PDS5B: variants seen among roughly 807,000 people sequenced by gnomAD.
PDS5B encodes the protein PDS5 cohesin associated factor B, also known as sister chromatid cohesion protein PDS5 homolog B.
In PDS5B, 51 loss-of-function variants were observed where a neutral mutation model predicts 184.1. That is an observed-to-expected ratio of 0.28 (90% CI 0.22 to 0.35). The LOEUF is 0.35. Ranked by LOEUF, PDS5B falls within the 10% of genes least tolerant of loss-of-function variation. The pLI, the probability that PDS5B is intolerant of heterozygous loss-of-function variation, is 1.00. For missense variants in PDS5B, 1,180 were observed against 1,723.3 expected (o/e 0.68, Z 5.58); for synonymous variants, 566 against 569.2 (o/e 0.99, Z 0.08).
chr13:32,712,397 A>C (rs2140898714), intron 19 of PDS5B, among the ~76,000 whole-genome samples: 1 of 152,362 alleles, frequency 6.6e-6, no homozygotes, highest in Non-Finnish European at 1.5e-5. Context: ...AATAACTCAT[A>C]ATAATTTCTT....
chr13:32,697,619 C>T (rs927192047), intron 15 of PDS5B, among the ~76,000 whole-genome samples: 1 of 152,192 alleles, frequency 6.6e-6, no homozygotes, highest in African/African-American at 2.4e-5. Context: ...AACTTTAAGA[C>T]CAAAATGTTC....
chr13:32,701,306 A>G lies in PDS5B; in HGVS notation c.1741-17A>G. On this transcript the variant is annotated splice_polypyrimidine_tract_variant and intron_variant, in intron 16 of 34. Coordinates refer to ENST00000315596, the MANE Select transcript of PDS5B (RefSeq NM_015032.4). ...TTTAAATGTACTTTTGTAATACTGA[A>G]ATAATCTGTATTACAGCGTGAAATA... 1 of 1,276,680 alleles carries G rather than the reference A, an allele frequency of 7.8e-7. No individual in the cohort carries two copies. The highest frequency in any genetic ancestry group is 1.1e-6 in the Non-Finnish European group (1 of 883,520). The allele number at this position is 1,276,680 out of a possible 1,614,324, so 79.1% of individuals were successfully genotyped here. A position where few individuals can be genotyped will look rare whatever the true frequency, so the allele number is the denominator to read the frequency against.
intron 22 of PDS5B, among the ~76,000 whole-genome samples, chr13:32,742,203 C>A (rs1483129663): frequency 6.6e-6 from 1 of 152,132 alleles, no homozygotes; most frequent in Admixed American, 6.5e-5. Flanking sequence ...TTAAATACTT[C>A]ATAATCATAA....
Position 32,653,655 on chromosome 13 carries a change from T to C in PDS5B, c.312+1648T>C, listed in dbSNP as rs542742774. On this transcript the variant is annotated intron_variant, in intron 3 of 34. Transcript: ENST00000315596. ...TTTGTCATTTAAAGGTGGTATTGAA[T>C]TGTAAGATTTGAGAATGGTCGGAGA... 1.2e-4 allele frequency among the ~76,000 whole-genome samples: 19 copies of C among 152,302 alleles called. No homozygotes were observed. The South Asian group carries it at 3.9e-3, about 32-fold the overall frequency.
intron 25 of PDS5B, among the ~76,000 whole-genome samples, chr13:32,755,360 GT>G (rs1255218834): frequency 6.6e-6 from 1 of 151,832 alleles, no homozygotes; most frequent in African/African-American, 2.4e-5. Flanking sequence ...CCTTTATTCT[GT>G]TTTTCTGTTA....
intron 19 of PDS5B, among the ~76,000 whole-genome samples, chr13:32,714,738 C>T (rs1566361765): frequency 6.6e-6 from 1 of 152,164 alleles, no homozygotes; most frequent in Admixed American, 6.5e-5. Flanking sequence ...ATTCCCTGAA[C>T]GATTGTTGTT....
chr13:32,676,252 C>T (rs895161099), intron 9 of PDS5B, among the ~76,000 whole-genome samples: 3 of 152,034 alleles, frequency 2.0e-5, no homozygotes, highest in Non-Finnish European at 4.4e-5. Context: ...ACTGAAAATA[C>T]GTCTTTGGGA....
At chr13:32,720,617 T>G (rs1433231069) in intron 19 of PDS5B, among the ~76,000 whole-genome samples, 1 of 151,398 alleles carries the variant, frequency 6.6e-6, no homozygotes, top group Non-Finnish European at 1.5e-5. Context: ...TTATTTTTAT[T>G]TATTTATTTA....
chr13:32,618,989 A>G (rs538627734), intron 1 of PDS5B, among the ~76,000 whole-genome samples: 2 of 152,290 alleles, frequency 1.3e-5, no homozygotes, highest in East Asian at 1.9e-4. Context: ...TCTGGACTCA[A>G]TTCTGTTTTG....
intron 1 of PDS5B, among the ~76,000 whole-genome samples, chr13:32,595,648 C>T (rs1593232197): frequency 1.3e-5 from 2 of 152,102 alleles, no homozygotes; most frequent in East Asian, 3.9e-4. Flanking sequence ...CTATTGGGTC[C>T]TGAATAGAAG....
At chr13:32,682,175 CT>C (rs943554798) in intron 10 of PDS5B, among the ~76,000 whole-genome samples, 22 of 151,650 alleles carry the variant, frequency 1.5e-4, no homozygotes, top group African/African-American at 3.4e-4. Context: ...CTACAGTTTC[CT>C]TTTTTTTAAC....
intron 1 of PDS5B, among the ~76,000 whole-genome samples, chr13:32,603,570 G>A (rs1011921126): frequency 6.6e-6 from 1 of 152,194 alleles, no homozygotes; most frequent in Non-Finnish European, 1.5e-5. Flanking sequence ...GATTGTCTTG[G>A]CAATGTGGGC....
chr13:32,658,180 A>G (rs1942883458), intron 3 of PDS5B, 59 bp from the exon 4 acceptor site: 3 of 791,666 alleles, frequency 3.8e-6, no homozygotes, highest in East Asian at 2.6e-5. Flanking sequence ...TTGGAGTTTC[A>G]TGGTTATTTT....
At chr13:32,671,970 C>T (rs1950949575) in intron 7 of PDS5B, among the ~76,000 whole-genome samples, 1 of 152,104 alleles carries the variant, frequency 6.6e-6, no homozygotes. Context: ...ACAGTTATGC[C>T]ATGCATCTTT....
At chr13:32,597,308 G>C (rs753690791) in intron 1 of PDS5B, among the ~76,000 whole-genome samples, 7 of 151,612 alleles carry the variant, frequency 4.6e-5, no homozygotes, top group Non-Finnish European at 8.8e-5. Context: ...CTCCCAAAGT[G>C]CTGGGATTAC....
chr13:32,591,361 C>T (rs2057772852), intron 1 of PDS5B, among the ~76,000 whole-genome samples: 1 of 152,056 alleles, frequency 6.6e-6, no homozygotes, highest in Non-Finnish European at 1.5e-5. Context: ...TCGTGATCCG[C>T]CCGCCTCGGC....
At chr13:32,640,384 C>G (rs948594724) in intron 1 of PDS5B, among the ~76,000 whole-genome samples, 1 of 152,128 alleles carries the variant, frequency 6.6e-6, no homozygotes, top group African/African-American at 2.4e-5. Flanking sequence ...GTAGTTGAGA[C>G]TACAGGCATG....
intron 1 of PDS5B, among the ~76,000 whole-genome samples, chr13:32,625,482 T>C (rs2140551189): frequency 6.6e-6 from 1 of 152,368 alleles, no homozygotes; most frequent in Middle Eastern, 3.4e-3. Flanking sequence ...ATGTTTAATT[T>C]TACATAACCT....
At chr13:32,667,879 T>A in intron 7 of PDS5B, 35 bp downstream of exon 7, 1 of 1,290,134 alleles carries the variant, frequency 7.8e-7, no homozygotes, top group Non-Finnish European at 1.1e-6. Flanking sequence ...TCAGAAGGAT[T>A]AAACTGAAAA....
Sources: gnomAD v4.1 joint callset for allele counts (sites outside exome capture counted in the v4.1 genomes callset) on GRCh38, gnomAD v4.1.1 for gene constraint, MANE v1.5 for transcripts, NCBI Gene and HGNC (gene_info 2026-07-23, HGNC 2026-07-21) for gene names.